RB1CC1: variants seen among roughly 807,000 people sequenced by gnomAD.
RB1CC1 encodes the protein RB1-inducible coiled-coil protein 1.
RB1CC1 carries 46 observed loss-of-function variants against 177.5 expected under a neutral mutation model. The ratio of observed to expected loss-of-function variants is 0.26; its 90% CI spans 0.20 to 0.33. The LOEUF (loss-of-function observed/expected upper bound fraction) is 0.33. Ranked by LOEUF, RB1CC1 falls within the 10% of genes least tolerant of loss-of-function variation. The pLI is 1.00. For synonymous variants in RB1CC1, 666 were observed against 613.6 expected (o/e 1.09, Z -1.26); for missense variants, 1,703 against 1,816.3 (o/e 0.94, Z 1.13).
chr8:52,712,543 G>C (rs1412716789), intron 1 of RB1CC1, among the ~76,000 whole-genome samples: 1 of 145,364 alleles, frequency 6.9e-6, no homozygotes, highest in Non-Finnish European at 1.5e-5. Context: ...CCGCTTCATT[G>C]TCTTCCCTGT....
chr8:52,634,164 C>A (rs1217062924), intron 20 of RB1CC1, among the ~76,000 whole-genome samples: 2 of 151,710 alleles, frequency 1.3e-5, no homozygotes, highest in African/African-American at 4.8e-5. Flanking sequence ...TCAATAAAAA[C>A]CAGGGCAATT....
In RB1CC1 at chr8:52,668,130, T is replaced by C; in HGVS notation, c.1064A>G (p.Asp355Gly). 5 of 1,614,142 alleles carry C rather than the reference T, an allele frequency of 3.1e-6. No individual in the cohort carries two copies. The highest frequency in any genetic ancestry group is 4.2e-6 in the Non-Finnish European group (5 of 1,179,994). Residue 355 changes from aspartate to glycine, a missense_variant, in exon 8 of 24, where the codon GAT becomes GGT. Transcript: ENST00000025008. ...AECRQTIAKL[D>G]NQNMKAIKGL... The stretch of plus-strand genomic sequence containing the variant: ...TTTAATGGCTTTCATATTCTGATTA[T>C]CAAGTTTGGCAATAGTTTGACGGCA...
chr8:52,687,547 C>G (rs1854381181), intron 1 of RB1CC1, among the ~76,000 whole-genome samples: 1 of 152,200 alleles, frequency 6.6e-6, no homozygotes, highest in Non-Finnish European at 1.5e-5. Flanking sequence ...CCAGCTGACT[C>G]TCTCTTGCCA....
chr8:52,634,316 G>A (rs916325714), intron 20 of RB1CC1, among the ~76,000 whole-genome samples: 1 of 151,732 alleles, frequency 6.6e-6, no homozygotes, highest in African/African-American at 2.4e-5. Flanking sequence ...TGAGGCCAGG[G>A]GTTTGAGACC....
intron 5 of RB1CC1, among the ~76,000 whole-genome samples, chr8:52,678,287 C>T (rs1853334799): frequency 6.6e-6 from 1 of 151,936 alleles, no homozygotes; most frequent in Non-Finnish European, 1.5e-5. Context: ...TGTGGTGGCA[C>T]GTACCTGTAA....
chr8:52,667,949 G>A (rs1362862117), intron 8 of RB1CC1, 72 bp downstream of exon 8: 1 of 1,423,248 alleles, frequency 7.0e-7, no homozygotes, highest in African/African-American at 1.4e-5. Flanking sequence ...ACACCAAATT[G>A]ATACTGCATA....
chr8:52,658,804 T>C (rs1851333942), intron 13 of RB1CC1, 69 bp downstream of exon 13: 1 of 1,127,400 alleles, frequency 8.9e-7, no homozygotes, highest in Non-Finnish European at 1.3e-6. Flanking sequence ...TGGTACTACC[T>C]GGCACAACTC....
chr8:52,683,846 A>C, intron 4 of RB1CC1, 41 bp downstream of exon 4: 1 of 1,602,924 alleles, frequency 6.2e-7, no homozygotes, highest in Admixed American at 1.7e-5. Flanking sequence ...TGTGATGTAA[A>C]GATGTTGCAT....
intron 15 of RB1CC1, among the ~76,000 whole-genome samples, chr8:52,650,997 C>T (rs1018660874): frequency 5.3e-5 from 8 of 152,320 alleles, no homozygotes; most frequent in East Asian, 3.9e-4. Flanking sequence ...CTCATTGCTA[C>T]ACTCAAATTG....
At position 52,642,823 on chromosome 8, in the gene RB1CC1, A is replaced by G. The variant is rs771367259; in HGVS notation, c.3988-11T>C. On this transcript the variant is annotated splice_polypyrimidine_tract_variant and intron_variant, in intron 16 of 23. Transcript: ENST00000025008. ...AGTGTTAAAATTGGTCTGGAACAAGAGAATAATTATTTAAATTTATCTACA... is the reference window on the plus strand; with the variant it reads ...AGTGTTAAAATTGGTCTGGAACAAGGGAATAATTATTTAAATTTATCTACA... 2 of 1,522,996 alleles carry G rather than the reference A, an allele frequency of 1.3e-6. No homozygotes were observed. The highest frequency in any genetic ancestry group is 1.4e-5 in the African/African-American group (1 of 71,626). 94.3% of individuals were successfully genotyped at this position (1,522,996 alleles called of 1,614,324 possible). A position where few individuals can be genotyped will look rare whatever the true frequency, so the allele number is the denominator to read the frequency against.
chr8:52,657,413 G>C lies in RB1CC1; in HGVS notation c.2416C>G (p.Gln806Glu). The change falls in exon 15 of 24, where the codon CAA (glutamine) becomes GAA (glutamate). Residue 806 changes from glutamine (Q) to glutamate (E), a missense_variant. Coordinates refer to ENST00000025008, the MANE Select transcript of RB1CC1 (RefSeq NM_014781.5). ...VQLERCRVVAQDSHFSIQTIK... is the reference protein window; with the variant it reads ...VQLERCRVVAEDSHFSIQTIK... ...GTTTGTATACTGAAGTGAGAGTCTT[G>C]GGCAACAACTCTACATCTTTCCAAC... 1 of 1,613,752 alleles carries C rather than the reference G, an allele frequency of 6.2e-7. No homozygotes were observed. The highest frequency in any genetic ancestry group is 8.5e-7 in the Non-Finnish European group (1 of 1,179,966).
At chr8:52,631,777 C>T (rs1319126982) in intron 20 of RB1CC1, among the ~76,000 whole-genome samples, 1 of 152,196 alleles carries the variant, frequency 6.6e-6, no homozygotes, top group East Asian at 1.9e-4. Flanking sequence ...CTACACTCTT[C>T]AGCATCATTC....
Position 52,676,402 on chromosome 8 carries a change from T to G in RB1CC1, c.539A>C (p.Gln180Pro). The G allele has an allele frequency of 6.2e-7, 1 of 1,611,788 alleles. No individual in the cohort carries two copies. The highest frequency in any genetic ancestry group is 8.5e-7 in the Non-Finnish European group (1 of 1,178,428). The change falls in exon 6 of 24, where the codon CAG (glutamine) becomes CCG (proline). Residue 180 changes from glutamine to proline, a missense_variant. Physicochemically the swap from Gln to Pro is moderately conservative, Grantham distance 76. Transcript: ENST00000025008. Reference protein sequence around the residue: ...KFESIYSNYLQSIEDIKLKLT... With the variant: ...KFESIYSNYLPSIEDIKLKLT... ...TTTTAACTTGATGTCTTCTATGGAC[T>G]GCAGATAATTTGAATAAATACTTTC...
intron 15 of RB1CC1, among the ~76,000 whole-genome samples, chr8:52,646,661 C>T (rs570990027): frequency 1.2e-3 from 177 of 152,274 alleles, no homozygotes; most frequent in South Asian, 3.7e-3. Context: ...TATTCCTGAA[C>T]TCATACTCAT....
At chr8:52,691,071 C>T (rs1340123347) in intron 1 of RB1CC1, among the ~76,000 whole-genome samples, 1 of 152,174 alleles carries the variant, frequency 6.6e-6, no homozygotes, top group Non-Finnish European at 1.5e-5. Context: ...CAATAATATC[C>T]TTTGTAGTTT....
At chr8:52,634,481 A>G (rs985036373) in intron 20 of RB1CC1, among the ~76,000 whole-genome samples, 2 of 152,050 alleles carry the variant, frequency 1.3e-5, no homozygotes, top group African/African-American at 4.8e-5. Flanking sequence ...AGTCGAGATC[A>G]CACCACTCCA....
chr8:52,636,106 C>T, intron 18 of RB1CC1, 37 bp from the exon 19 acceptor site: 2 of 1,577,340 alleles, frequency 1.3e-6, no homozygotes, highest in Non-Finnish European at 1.7e-6. Flanking sequence ...GTTTGAAATT[C>T]TAAACTTTAC....
intron 18 of RB1CC1, among the ~76,000 whole-genome samples, chr8:52,637,177 C>A (rs1478360356): frequency 6.6e-6 from 1 of 152,174 alleles, no homozygotes; most frequent in African/African-American, 2.4e-5. Flanking sequence ...GGGCTACCAT[C>A]TTAAGGCGAT....
intron 18 of RB1CC1, among the ~76,000 whole-genome samples, chr8:52,639,607 T>C (rs1849410600): frequency 6.6e-6 from 1 of 152,184 alleles, no homozygotes; most frequent in Non-Finnish European, 1.5e-5. Flanking sequence ...CTCTCCCATA[T>C]ACTTACAAAT....
Sources: gnomAD v4.1 joint callset for allele counts (sites outside exome capture counted in the v4.1 genomes callset) on GRCh38, gnomAD v4.1.1 for gene constraint, MANE v1.5 for transcripts, NCBI Gene and HGNC (gene_info 2026-07-23, HGNC 2026-07-21) for gene names.